GALNTL6: variants seen among roughly 807,000 people sequenced by gnomAD.
GALNTL6 encodes the protein polypeptide N-acetylgalactosaminyltransferase-like 6.
Under a neutral mutation model 73.7 loss-of-function variants are expected in GALNTL6, and 46 were observed. That is an observed-to-expected ratio of 0.62 (90% CI 0.49 to 0.80). The LOEUF is 0.80. GALNTL6 is among the 30% of genes least tolerant of loss of function. GALNTL6 has a pLI of 0.00. For synonymous variants in GALNTL6, 259 were observed against 263.7 expected, an observed-to-expected ratio of 0.98 and a Z score of 0.17; for missense variants, 604 against 755.0, an observed-to-expected ratio of 0.80 and a Z score of 2.34.
chr4:173,019,943 G>T (rs1361616471), intron 11 of GALNTL6, among the ~76,000 whole-genome samples: 1 of 152,228 alleles, frequency 6.6e-6, no homozygotes, highest in Non-Finnish European at 1.5e-5. Flanking sequence ...GGCCTGGTCA[G>T]TGCATAGTGT....
intron 5 of GALNTL6, among the ~76,000 whole-genome samples, chr4:172,540,600 T>C: frequency 6.6e-6 from 1 of 152,110 alleles, no homozygotes; most frequent in Non-Finnish European, 1.5e-5. Context: ...TTTTATATAT[T>C]TTAGGGAGAC....
intron 5 of GALNTL6, among the ~76,000 whole-genome samples, chr4:172,714,475 A>C (rs1734934336): frequency 6.6e-6 from 1 of 152,210 alleles, no homozygotes; most frequent in South Asian, 2.1e-4. Context: ...GAAAGGCTTC[A>C]ATACAGGCAG....
At position 172,249,730 on chromosome 4, in the gene GALNTL6, G is replaced by A. The variant is rs115642723; in HGVS notation, c.247+19966G>A. 3.6e-3 allele frequency among the ~76,000 whole-genome samples: 552 copies of A among 152,332 alleles called. 5 individuals are homozygous for A. Among genetic ancestry groups the A allele is most frequent in the African/African-American group, 0.013 (531 of 41,582 alleles). On this transcript the variant is annotated intron_variant, in intron 3 of 12. Coordinates refer to ENST00000506823, the MANE Select transcript of GALNTL6 (RefSeq NM_001034845.3). ...TTGCTTCAGAGGGTGCAAGCCCCAAGCCTTGCCAGCTTCCAGGTCGTGTAG... is the reference window on the plus strand; with the variant it reads ...TTGCTTCAGAGGGTGCAAGCCCCAAACCTTGCCAGCTTCCAGGTCGTGTAG...
intron 2 of GALNTL6, among the ~76,000 whole-genome samples, chr4:171,996,739 A>T (rs1193787320): frequency 6.6e-6 from 1 of 151,058 alleles, no homozygotes; most frequent in Non-Finnish European, 1.5e-5. Context: ...AAAAAAAAAA[A>T]AAAACTCACA....
At chr4:171,949,668 A>G (rs1477707096) in intron 2 of GALNTL6, among the ~76,000 whole-genome samples, 1 of 152,220 alleles carries the variant, frequency 6.6e-6, no homozygotes, top group East Asian at 1.9e-4. Flanking sequence ...AAGCAAGACT[A>G]AGTAAAAATA....
intron 10 of GALNTL6, among the ~76,000 whole-genome samples, chr4:172,987,871 T>C (rs1751361205): frequency 6.6e-6 from 1 of 152,184 alleles, no homozygotes; most frequent in Admixed American, 6.6e-5. Flanking sequence ...CTACAATTCC[T>C]ACAATACTAC....
intron 5 of GALNTL6, among the ~76,000 whole-genome samples, chr4:172,653,101 C>T (rs148035219): frequency 1.0e-3 from 155 of 152,046 alleles, no homozygotes; most frequent in African/African-American, 3.6e-3. Flanking sequence ...TTTCTCTCAT[C>T]TCTCATCTCC....
intron 3 of GALNTL6, among the ~76,000 whole-genome samples, chr4:172,304,278 C>A (rs556181185): frequency 6.6e-6 from 1 of 152,138 alleles, no homozygotes; most frequent in African/African-American, 2.4e-5. Flanking sequence ...TGTGGCGTAC[C>A]TGTTATGTGG....
intron 4 of GALNTL6, among the ~76,000 whole-genome samples, chr4:172,345,549 T>C (rs1307515739): frequency 6.6e-6 from 1 of 152,184 alleles, no homozygotes; most frequent in Non-Finnish European, 1.5e-5. Context: ...ACTGCAGCCT[T>C]CCTAACTGAA....
chr4:172,202,033 C>A (rs2110903969), intron 2 of GALNTL6, among the ~76,000 whole-genome samples: 1 of 152,272 alleles, frequency 6.6e-6, no homozygotes, highest in Admixed American at 6.5e-5. Flanking sequence ...TATGGAAGAA[C>A]ACCTTAATTT....
At chr4:172,299,946 C>A (rs887007473) in intron 3 of GALNTL6, among the ~76,000 whole-genome samples, 28 of 152,248 alleles carry the variant, frequency 1.8e-4, no homozygotes, top group African/African-American at 6.0e-4. Context: ...TCTTGTTGAT[C>A]TGTCTAATGT....
rs550877086 is a variant in GALNTL6 at position 171,818,514 on chromosome 4, C to T, written c.138+3796C>T. 1.1e-4 allele frequency among the ~76,000 whole-genome samples: 7 copies of T among 65,658 alleles called. No individual in the cohort carries two copies. The East Asian group carries it at 4.2e-3, about 40-fold the overall frequency. 43.1% of individuals were successfully genotyped at this position (65,658 alleles called of 152,430 possible). A position where few individuals can be genotyped will look rare whatever the true frequency, so the allele number is the denominator to read the frequency against. ...GGGCCAAAATCTTAGAATTTTAAAA[C>T]AGATCAGAACTGTTCAGAATGATTT... is the stretch of plus-strand genomic sequence containing the variant. On this transcript the variant is annotated intron_variant, in intron 2 of 12. Transcript: ENST00000506823.
At chr4:172,696,713 A>G (rs1733718716) in intron 5 of GALNTL6, among the ~76,000 whole-genome samples, 1 of 152,204 alleles carries the variant, frequency 6.6e-6, no homozygotes, top group Admixed American at 6.5e-5. Context: ...CTCCCTGACC[A>G]TGTGGAACTG....
rs3083398 is a variant in GALNTL6, at chr4:172,503,526, G to GTATATATATATATATATATATATATA, written c.553+154860_553+154861insATATATATATATATATATATATATAT. 4.0e-4 allele frequency among the ~76,000 whole-genome samples: 34 copies of GTATATATATATATATATATATATATA among 85,940 alleles called. 1 individual carries two copies. The highest frequency in any genetic ancestry group is 2.4e-3 in the South Asian group (5 of 2,056). The allele number at this position is 85,940 out of a possible 152,430, so 56.4% of individuals were successfully genotyped here. Reference sequence around the variant, plus strand: ...CTAGTTTGAACATGTACATAGAGTAGTATATATATATATATATATATATGT... The same window carrying GTATATATATATATATATATATATATA: ...CTAGTTTGAACATGTACATAGAGTAGTATATATATATATATATATATATATATATATATATATATATATATATATGT... On this transcript the variant is annotated intron_variant, in intron 5 of 12. Coordinates refer to ENST00000506823, the MANE Select transcript of GALNTL6 (RefSeq NM_001034845.3).
chr4:171,912,906 T>C (rs546016512), intron 2 of GALNTL6, among the ~76,000 whole-genome samples: 1 of 152,320 alleles, frequency 6.6e-6, no homozygotes, highest in East Asian at 1.9e-4. Context: ...TTGAATAATA[T>C]CTCCTTTTAT....
chr4:172,519,421 T>C (rs1579147463), intron 5 of GALNTL6, among the ~76,000 whole-genome samples: 2 of 151,266 alleles, frequency 1.3e-5, no homozygotes, highest in Admixed American at 1.3e-4. Flanking sequence ...TCACCATCAA[T>C]ATGGACACTT....
At chr4:172,209,204 A>G (rs1579257100) in intron 2 of GALNTL6, among the ~76,000 whole-genome samples, 2 of 152,120 alleles carry the variant, frequency 1.3e-5, no homozygotes, top group East Asian at 3.8e-4. Flanking sequence ...TCAAAATTAT[A>G]TGGAAAACTT....
At chr4:172,473,362 A>T (rs1158208770) in intron 5 of GALNTL6, among the ~76,000 whole-genome samples, 1 of 152,150 alleles carries the variant, frequency 6.6e-6, no homozygotes, top group Admixed American at 6.5e-5. Flanking sequence ...CTACTGCCCC[A>T]TCCCTTCGTT....
chr4:172,737,121 A>G (rs955561318), intron 5 of GALNTL6, among the ~76,000 whole-genome samples: 1 of 152,220 alleles, frequency 6.6e-6, no homozygotes, highest in Non-Finnish European at 1.5e-5. Flanking sequence ...TCGGTGTTTA[A>G]GAACTAACTG....
Sources: allele counts gnomAD v4.1 joint callset (sites outside exome capture counted in the v4.1 genomes callset), GRCh38; gene constraint gnomAD v4.1.1; transcripts MANE v1.5; gene names NCBI Gene and HGNC (gene_info 2026-07-23, HGNC 2026-07-21).